Variants in GSG1L observed in about 807,000 individuals in gnomAD.
The protein encoded by GSG1L is germ cell-specific gene 1-like protein.
GSG1L carries 24 observed loss-of-function variants against 42.1 expected under a neutral mutation model. The observed-to-expected ratio is 0.57, with a 90% CI of 0.41 to 0.80. GSG1L has a LOEUF of 0.80. Among genes scored for constraint, GSG1L ranks in the 30% least tolerant of loss-of-function variants. GSG1L has a pLI of 0.00. For synonymous variants in GSG1L, 215 were observed against 203.5 expected (o/e 1.06, Z -0.48); for missense variants, 445 against 472.2 (o/e 0.94, Z 0.53).
At chr16:27,983,872 G>A (rs966478362) in intron 1 of GSG1L, among the ~76,000 whole-genome samples, 1 of 152,154 alleles carries the variant, frequency 6.6e-6, no homozygotes, top group Non-Finnish European at 1.5e-5. Flanking sequence ...TGCATGGCAA[G>A]AGTGACACCA....
At chr16:27,856,868 G>A (rs751631575) in intron 3 of GSG1L, among the ~76,000 whole-genome samples, 25 of 152,158 alleles carry the variant, frequency 1.6e-4, no homozygotes, top group Admixed American at 3.9e-4. Flanking sequence ...GGAGTGGGGT[G>A]GTGGCTCCCA....
intron 2 of GSG1L, among the ~76,000 whole-genome samples, chr16:27,899,508 G>A (rs1249174087): frequency 6.6e-6 from 1 of 152,192 alleles, no homozygotes; most frequent in Admixed American, 6.5e-5. Flanking sequence ...CCTGAGCCCA[G>A]GAGTTCAAGG....
intron 2 of GSG1L, among the ~76,000 whole-genome samples, chr16:27,928,442 T>C (rs1157829649): frequency 6.6e-6 from 1 of 152,186 alleles, no homozygotes; most frequent in Admixed American, 6.5e-5. Context: ...CTTCCCAGTC[T>C]CTGGGCCCCT....
intron 4 of GSG1L, among the ~76,000 whole-genome samples, chr16:27,841,246 T>C (rs933660): frequency 0.37 from 55,508 of 151,866 alleles, 10,661 homozygotes; most frequent in African/African-American, 0.45. Context: ...GATCTGAACC[T>C]GAACTGTCTG....
chr16:27,868,534 T>C (rs1248251172), intron 3 of GSG1L, among the ~76,000 whole-genome samples: 1 of 151,632 alleles, frequency 6.6e-6, no homozygotes, highest in South Asian at 2.1e-4. Flanking sequence ...TAGATCCAGC[T>C]ACCATCTAAA....
intron 1 of GSG1L, among the ~76,000 whole-genome samples, chr16:27,989,373 C>T (rs1449888769): frequency 6.6e-6 from 1 of 152,130 alleles, no homozygotes; most frequent in Non-Finnish European, 1.5e-5. Flanking sequence ...GTCTTCTTGA[C>T]CCAAACTAAC....
chr16:27,959,592 G>A (rs2085045857), intron 2 of GSG1L, among the ~76,000 whole-genome samples: 1 of 151,734 alleles, frequency 6.6e-6, no homozygotes, highest in African/African-American at 2.4e-5. Flanking sequence ...GGGAGGACGG[G>A]AGAAAGGAAG....
At chr16:27,858,133 C>T (rs762757628) in intron 3 of GSG1L, among the ~76,000 whole-genome samples, 6 of 152,350 alleles carry the variant, frequency 3.9e-5, no homozygotes, top group Admixed American at 1.3e-4. Context: ...CACTTCCCTG[C>T]GGCAACGCTG....
intron 5 of GSG1L, chr16:27,823,787 G>T: frequency 1.4e-6 from 1 of 694,752 alleles, no homozygotes; most frequent in South Asian, 1.5e-5. Flanking sequence ...AGAGATAATT[G>T]ATCAAGCCTG....
chr16:27,870,900 G>A (rs762007424), intron 3 of GSG1L, among the ~76,000 whole-genome samples: 13 of 151,308 alleles, frequency 8.6e-5, no homozygotes, highest in East Asian at 1.9e-4. Flanking sequence ...CCTCTTAGCC[G>A]TGCTCTCCAG....
chr16:27,804,036 T>TA (rs1302652313), intron 6 of GSG1L, among the ~76,000 whole-genome samples: 3 of 42,152 alleles, frequency 7.1e-5, no homozygotes, highest in Non-Finnish European at 1.4e-4. Context: ...ATAGATTAGA[T>TA]GGATAGATAG....
intron 5 of GSG1L, among the ~76,000 whole-genome samples, chr16:27,812,372 C>G (rs2083041195): frequency 6.6e-6 from 1 of 152,188 alleles, no homozygotes; most frequent in South Asian, 2.1e-4. Context: ...GGTTGGTGAA[C>G]GTTTGCTGTA....
chr16:27,857,183 T>G (rs756389880), intron 3 of GSG1L, among the ~76,000 whole-genome samples: 2 of 152,000 alleles, frequency 1.3e-5, no homozygotes, highest in Non-Finnish European at 2.9e-5. Context: ...TCCCAGCACT[T>G]TGGGAAGCCA....
At chr16:27,798,141 T>G (rs1157529551) in intron 6 of GSG1L, among the ~76,000 whole-genome samples, 2 of 152,150 alleles carry the variant, frequency 1.3e-5, no homozygotes, top group African/African-American at 2.4e-5. Flanking sequence ...AATACATCCA[T>G]GTAACAAACC....
chr16:27,856,950 G>A (rs190470569), intron 3 of GSG1L, among the ~76,000 whole-genome samples: 1 of 152,280 alleles, frequency 6.6e-6, no homozygotes, highest in East Asian at 1.9e-4. Flanking sequence ...TGTCACATAG[G>A]TGCACACACC....
At chr16:28,005,957 T>C (rs1457111093) in intron 1 of GSG1L, among the ~76,000 whole-genome samples, 1 of 152,146 alleles carries the variant, frequency 6.6e-6, no homozygotes, top group South Asian at 2.1e-4. Context: ...AATGGGGAGA[T>C]GATCCGTTAT....
chr16:27,863,053 G>A (rs1245724732), intron 3 of GSG1L, among the ~76,000 whole-genome samples: 1 of 152,056 alleles, frequency 6.6e-6, no homozygotes, highest in Non-Finnish European at 1.5e-5. Context: ...ATGTCTGTGT[G>A]TATGTTAAAA....
chr16:27,948,183 T>C (rs1418231712), intron 2 of GSG1L, among the ~76,000 whole-genome samples: 1 of 152,130 alleles, frequency 6.6e-6, no homozygotes, highest in Non-Finnish European at 1.5e-5. Flanking sequence ...CCTACCCAGG[T>C]TCAGAGCCAC....
At chr16:27,827,277 C>T (rs1238569730) in intron 5 of GSG1L, among the ~76,000 whole-genome samples, 1 of 152,168 alleles carries the variant, frequency 6.6e-6, no homozygotes. Flanking sequence ...CATAGGGACC[C>T]CAGGCCAGAT....
Sources: allele counts gnomAD v4.1 joint callset (sites outside exome capture counted in the v4.1 genomes callset), GRCh38; gene constraint gnomAD v4.1.1; transcripts MANE v1.5; gene names NCBI Gene and HGNC (gene_info 2026-07-23, HGNC 2026-07-21).